The following VEZT variants were observed in gnomAD, a reference collection of about 807,000 sequenced individuals.
The protein encoded by VEZT is vezatin, adherens junctions transmembrane protein, also known as vezatin.
A neutral mutation model predicts 79.9 loss-of-function variants in VEZT; 39 were observed. The ratio of observed to expected loss-of-function variants is 0.49; its 90% CI spans 0.38 to 0.64. VEZT has a LOEUF of 0.64. Among genes scored for constraint, VEZT ranks in the 30% least tolerant of loss-of-function variants. The pLI, the probability that VEZT is intolerant of heterozygous loss-of-function variation, is 0.00. For missense variants in VEZT, 837 were observed against 893.1 expected, an observed-to-expected ratio of 0.94 and a Z score of 0.80; for synonymous variants, 325 against 327.6, an observed-to-expected ratio of 0.99 and a Z score of 0.09.
At chr12:95,258,808 A>G (rs1400031171) in intron 3 of VEZT, among the ~76,000 whole-genome samples, 1 of 152,194 alleles carries the variant, frequency 6.6e-6, no homozygotes. Flanking sequence ...AAGCCCCATG[A>G]TATCCAAAGT....
At chr12:95,243,900 A>G (rs1185537417) in intron 1 of VEZT, 1 of 454,258 alleles carries the variant, frequency 2.2e-6, no homozygotes, top group Non-Finnish European at 4.4e-6. Flanking sequence ...CCCTTTGCAC[A>G]TACCCACTCC....
chr12:95,266,858 A>G (rs1474611127), intron 5 of VEZT, among the ~76,000 whole-genome samples: 1 of 152,212 alleles, frequency 6.6e-6, no homozygotes, highest in East Asian at 1.9e-4. Context: ...GAACTAAAGT[A>G]CTTTGGAGAT....
chr12:95,239,847 G>A (rs1566037326), intron 1 of VEZT, among the ~76,000 whole-genome samples: 1 of 152,040 alleles, frequency 6.6e-6, no homozygotes, highest in Non-Finnish European at 1.5e-5. Flanking sequence ...AGCTACTCGG[G>A]AAGCTGAGGC....
chr12:95,271,467 G>A (rs539694038), intron 6 of VEZT, among the ~76,000 whole-genome samples: 10 of 152,346 alleles, frequency 6.6e-5, no homozygotes, highest in African/African-American at 2.2e-4. Context: ...TATGGAGTCA[G>A]AGAATGCTTT....
chr12:95,240,968 C>T (rs1191828655), intron 1 of VEZT, among the ~76,000 whole-genome samples: 1 of 152,024 alleles, frequency 6.6e-6, no homozygotes. Context: ...AGCAGCATCC[C>T]GATCTCTACA....
chr12:95,267,358 A>T (rs982259418), intron 5 of VEZT, among the ~76,000 whole-genome samples: 1 of 152,230 alleles, frequency 6.6e-6, no homozygotes, highest in Admixed American at 6.5e-5. Context: ...AGTACACTGG[A>T]CACCTGCCAA....
intron 1 of VEZT, among the ~76,000 whole-genome samples, chr12:95,248,661 G>A (rs2062041109): frequency 6.6e-6 from 1 of 152,108 alleles, no homozygotes; most frequent in East Asian, 1.9e-4. Context: ...ACAGTTAGCA[G>A]TCAAGAGTTT....
chr12:95,246,542 CCTGT>C (rs1432142158), intron 1 of VEZT, among the ~76,000 whole-genome samples: 2 of 152,154 alleles, frequency 1.3e-5, no homozygotes, highest in South Asian at 2.1e-4. Flanking sequence ...GTGGGATTTT[CCTGT>C]CTATTTTTGT....
intron 1 of VEZT, among the ~76,000 whole-genome samples, chr12:95,226,314 A>G (rs1239087883): frequency 2.6e-5 from 4 of 152,118 alleles, no homozygotes; most frequent in Non-Finnish European, 5.9e-5. Context: ...GAAGGATTAT[A>G]GAATAGAGAT....
chr12:95,251,040 T>G (rs745533821), intron 1 of VEZT, among the ~76,000 whole-genome samples: 7 of 152,070 alleles, frequency 4.6e-5, no homozygotes, highest in East Asian at 3.8e-4. Flanking sequence ...GATGGAGTTT[T>G]GCTCTTGTCG....
intron 9 of VEZT, among the ~76,000 whole-genome samples, chr12:95,291,194 G>A (rs571478729): frequency 6.6e-6 from 1 of 152,262 alleles, no homozygotes; most frequent in African/African-American, 2.4e-5. Context: ...TTGCACAACT[G>A]CACTCCATCC....
intron 2 of VEZT, among the ~76,000 whole-genome samples, chr12:95,253,260 C>T (rs929406479): frequency 2.0e-5 from 3 of 152,192 alleles, no homozygotes; most frequent in African/African-American, 7.2e-5. Flanking sequence ...TTCAATTAGT[C>T]ATTTACAGGG....
At chr12:95,256,333 G>A (rs2063486820) in intron 2 of VEZT, among the ~76,000 whole-genome samples, 1 of 152,164 alleles carries the variant, frequency 6.6e-6, no homozygotes, top group South Asian at 2.1e-4. Flanking sequence ...TTACAGGCAT[G>A]AGCCACCGTG....
At chr12:95,250,589 C>T (rs960587483) in intron 1 of VEZT, among the ~76,000 whole-genome samples, 12 of 152,020 alleles carry the variant, frequency 7.9e-5, no homozygotes, top group African/African-American at 2.9e-4. Context: ...AGGCGTGAGC[C>T]ACCGCCCCCA....
At chr12:95,265,627 A>G (rs2065385976) in intron 4 of VEZT, among the ~76,000 whole-genome samples, 1 of 151,740 alleles carries the variant, frequency 6.6e-6, no homozygotes, top group Non-Finnish European at 1.5e-5. Flanking sequence ...GCCTATTGTT[A>G]TATTTATTAT....
intron 4 of VEZT, among the ~76,000 whole-genome samples, chr12:95,263,590 G>A (rs561659107): frequency 2.0e-5 from 3 of 152,210 alleles, no homozygotes; most frequent in Admixed American, 2.0e-4. Flanking sequence ...GTTGCAGAGT[G>A]CAGTGAGCCG....
chr12:95,291,412 T>C (rs915076796), intron 9 of VEZT, among the ~76,000 whole-genome samples: 12 of 152,232 alleles, frequency 7.9e-5, no homozygotes, highest in Non-Finnish European at 1.6e-4. Flanking sequence ...TAATAAGATC[T>C]GGTAGTTGCA....
Position 95,282,360 on chromosome 12 carries a change from G to T in VEZT, c.1044G>T (p.Arg348=), listed in dbSNP as rs377540831. 504 of 1,613,636 alleles carry T rather than the reference G, an allele frequency of 3.1e-4. 1 individual carries two copies. The highest frequency in any genetic ancestry group is 4.1e-4 in the Non-Finnish European group (489 of 1,179,870). ...WVAQSSEFFR[R]LALLLSTANS... ...CACAGAGTTCAGAGTTCTTCAGACG[G>T]TTAGCCCTATTACTTTCTACAGCCA... is the stretch of plus-strand genomic sequence containing the variant. The change falls in exon 8 of 12, where the codon CGG becomes CGT. Residue 348 remains arginine (R), a synonymous_variant. Coordinates refer to ENST00000436874, the MANE Select transcript of VEZT (RefSeq NM_017599.4).
chr12:95,273,438 G>C lies in VEZT; in HGVS notation c.849-1304G>C, dbSNP rs569416266. On this transcript the variant is annotated intron_variant, in intron 6 of 11. Coordinates refer to ENST00000436874, the MANE Select transcript of VEZT (RefSeq NM_017599.4). ...ATGTATGCATAAACAATCTTAGAAGGTACTGGTAAATGGAATTGCCTTTGC... is the reference window on the plus strand; with the variant it reads ...ATGTATGCATAAACAATCTTAGAAGCTACTGGTAAATGGAATTGCCTTTGC... Among the ~76,000 whole-genome samples the C allele has an allele frequency of 2.6e-4, 39 of 152,274 alleles. No homozygotes were observed. The East Asian group carries it at 3.9e-3, about 15-fold the overall frequency.
Sources: gnomAD v4.1 joint callset for allele counts (sites outside exome capture counted in the v4.1 genomes callset) on GRCh38, gnomAD v4.1.1 for gene constraint, MANE v1.5 for transcripts, NCBI Gene and HGNC (gene_info 2026-07-23, HGNC 2026-07-21) for gene names.